Variants in EYS observed in about 807,000 individuals in gnomAD.
The protein encoded by EYS is EGF-like photoreceptor maintenance factor.
In EYS, 250 loss-of-function variants were observed where a neutral mutation model predicts 282.1. The observed-to-expected ratio is 0.89, with a 90% CI of 0.80 to 0.98. The LOEUF is 0.98. EYS is among the 50% of genes least tolerant of loss of function. The pLI is 0.00. For synonymous variants in EYS, 1,355 were observed against 1,282.9 expected (o/e 1.06, Z -1.20); for missense variants, 4,016 against 3,709.0 (o/e 1.08, Z -2.15).
At chr6:65,114,666 T>C (rs1775315905) in intron 12 of EYS, among the ~76,000 whole-genome samples, 1 of 151,954 alleles carries the variant, frequency 6.6e-6, no homozygotes, top group Non-Finnish European at 1.5e-5. Flanking sequence ...CTTTGTGGTA[T>C]GCTATTTCTC....
chr6:65,334,913 G>A (rs775933021), intron 11 of EYS, 67 bp downstream of exon 11: 9 of 1,446,066 alleles, frequency 6.2e-6, no homozygotes, highest in South Asian at 5.7e-5. Flanking sequence ...GAAACAGTTC[G>A]ATGACTATCA....
In EYS at chr6:64,902,145, T is replaced by G. The variant is rs934880132; in HGVS notation, c.2814A>C (p.Lys938Asn). Residue 938 changes from lysine to asparagine, a missense_variant, in exon 18 of 43, where the codon AAA (lysine) becomes AAC (asparagine). Lys to Asn is a moderately conservative substitution (Grantham distance 94). Coordinates refer to ENST00000503581, the MANE Select transcript of EYS (RefSeq NM_001142800.2). ...EINECSSEPC[K>N]NNGTCVDLTN... ...TCAGATCCACACATGTTCCATTATT[T>G]TTGCAAGGTTCAGAGGAACATTCAT... 1 of 1,549,000 alleles carries G rather than the reference T, an allele frequency of 6.5e-7. No individual in the cohort carries two copies. The highest frequency in any genetic ancestry group is 1.4e-5 in the African/African-American group (1 of 72,924).
intron 13 of EYS, among the ~76,000 whole-genome samples, chr6:65,011,865 G>A (rs956492095): frequency 6.6e-5 from 10 of 152,286 alleles, no homozygotes; most frequent in Admixed American, 2.0e-4. Context: ...GACAATGATC[G>A]GGATATAAAC....
chr6:65,492,983 C>A (rs1474626933), intron 4 of EYS, among the ~76,000 whole-genome samples: 1 of 152,146 alleles, frequency 6.6e-6, no homozygotes, highest in Non-Finnish European at 1.5e-5. Flanking sequence ...ATGGCGCGAT[C>A]TCAGCTCACT....
At chr6:65,508,025 G>A (rs1428181734) in intron 2 of EYS, among the ~76,000 whole-genome samples, 2 of 152,018 alleles carry the variant, frequency 1.3e-5, no homozygotes, top group Non-Finnish European at 2.9e-5. Context: ...ATACTGTATC[G>A]GGTAATAGGA....
chr6:65,331,420 A>C (rs1446724375), intron 11 of EYS: 1 of 782,294 alleles, frequency 1.3e-6, no homozygotes, highest in Non-Finnish European at 1.6e-6. Context: ...ACATTATAAC[A>C]GGTGGTATCA....
chr6:64,191,173 A>G (rs938574695), intron 31 of EYS, among the ~76,000 whole-genome samples: 2 of 152,000 alleles, frequency 1.3e-5, no homozygotes, highest in Non-Finnish European at 2.9e-5. Flanking sequence ...TTATGGTGTT[A>G]AAGTTCTTAA....
chr6:65,602,870 T>C (rs936154221), intron 2 of EYS, among the ~76,000 whole-genome samples: 5 of 152,062 alleles, frequency 3.3e-5, no homozygotes, highest in African/African-American at 1.2e-4. Flanking sequence ...CCTAAGACAG[T>C]TTTAATTTAC....
chr6:64,630,443 G>A (rs1226001288), intron 22 of EYS, among the ~76,000 whole-genome samples: 1 of 152,020 alleles, frequency 6.6e-6, no homozygotes, highest in Non-Finnish European at 1.5e-5. Context: ...ATTAAGTTTT[G>A]TCAAGTGATT....
At chr6:63,943,791 T>C (rs1765310293) in intron 35 of EYS, among the ~76,000 whole-genome samples, 1 of 152,238 alleles carries the variant, frequency 6.6e-6, no homozygotes, top group Non-Finnish European at 1.5e-5. Context: ...ATTCTCTCCA[T>C]GGATGGACTA....
chr6:64,222,909 GTCCAAGAA>G (rs1766144033), intron 31 of EYS, among the ~76,000 whole-genome samples: 1 of 151,512 alleles, frequency 6.6e-6, no homozygotes, highest in Non-Finnish European at 1.5e-5. Flanking sequence ...CTTATATTAA[GTCCAAGAA>G]AATTATCGGT....
At chr6:64,390,560 G>A (rs1314217381) in intron 28 of EYS, among the ~76,000 whole-genome samples, 1 of 149,832 alleles carries the variant, frequency 6.7e-6, no homozygotes, top group Non-Finnish European at 1.5e-5. Context: ...TGCAGCTGAG[G>A]GTCCTGACTG....
At chr6:65,371,838 CAG>C (rs1418505886) in intron 8 of EYS, among the ~76,000 whole-genome samples, 55 of 139,144 alleles carry the variant, frequency 4.0e-4, no homozygotes, top group African/African-American at 1.4e-3. Flanking sequence ...GAGACAGAGA[CAG>C]AGAGAGATTT....
intron 22 of EYS, among the ~76,000 whole-genome samples, chr6:64,654,318 A>G (rs969000294): frequency 6.6e-6 from 1 of 152,204 alleles, no homozygotes; most frequent in African/African-American, 2.4e-5. Context: ...TGTTGATCTG[A>G]TCATTCAATA....
intron 29 of EYS, among the ~76,000 whole-genome samples, chr6:64,339,407 C>A (rs912310195): frequency 6.6e-6 from 1 of 151,830 alleles, no homozygotes; most frequent in African/African-American, 2.4e-5. Flanking sequence ...CAGGGTAATG[C>A]AAATTAAAAC....
intron 26 of EYS, among the ~76,000 whole-genome samples, chr6:64,527,380 T>A (rs1005821482): frequency 6.6e-6 from 1 of 151,818 alleles, no homozygotes; most frequent in African/African-American, 2.4e-5. Context: ...ATGCTTTTAA[T>A]AAAAAGAGAA....
At position 64,128,975 on chromosome 6, in the gene EYS, A is replaced by G. The variant is rs115536775; in HGVS notation, c.6425-46973T>C. 6.7e-3 allele frequency among the ~76,000 whole-genome samples: 1,024 copies of G among 152,250 alleles called. 10 individuals are homozygous for G. Among genetic ancestry groups the G allele is most frequent in the African/African-American group, 0.023 (948 of 41,552 alleles). ...TTTAAATTTGGCAGTGAAGAAATAG[A>G]TTAGAGTGGTGAGGCAAATTATATA... On this transcript the variant is annotated intron_variant, in intron 31 of 42. Coordinates refer to ENST00000503581, the MANE Select transcript of EYS (RefSeq NM_001142800.2).
intron 12 of EYS, among the ~76,000 whole-genome samples, chr6:65,152,452 A>G (rs1190529712): frequency 1.3e-5 from 2 of 151,912 alleles, no homozygotes; most frequent in East Asian, 3.9e-4. Flanking sequence ...TGGTCTTTAT[A>G]AGAAGAGGAA....
At chr6:63,822,622 G>T (rs1215833135) in intron 36 of EYS, 1 of 152,152 alleles carries the variant, frequency 6.6e-6, no homozygotes, top group East Asian at 1.9e-4. Flanking sequence ...ATACAGCTGT[G>T]CTATTAAGAA....
Sources: gnomAD v4.1 joint callset for allele counts (sites outside exome capture counted in the v4.1 genomes callset) on GRCh38, gnomAD v4.1.1 for gene constraint, MANE v1.5 for transcripts, NCBI Gene and HGNC (gene_info 2026-07-23, HGNC 2026-07-21) for gene names.